LOC128462377: variants seen among roughly 807,000 people sequenced by gnomAD.
At chr16:89,397,743 T>C in the LOC128462377 span, among the ~76,000 whole-genome samples, 1 of 152,218 alleles carries the variant, frequency 6.6e-6, no homozygotes, top group Non-Finnish European at 1.5e-5. Context: ...TGCAGAAGCC[T>C]CTCCTCTGAG....
At chr16:89,386,164 T>C in the LOC128462377 span, among the ~76,000 whole-genome samples, 3 of 152,218 alleles carry the variant, frequency 2.0e-5, no homozygotes, top group Admixed American at 6.5e-5. Flanking sequence ...CGGCTTCCAA[T>C]GAACAATTCA....
At chr16:89,396,991 G>C in the LOC128462377 span, among the ~76,000 whole-genome samples, 1 of 151,998 alleles carries the variant, frequency 6.6e-6, no homozygotes, top group African/African-American at 2.4e-5. Flanking sequence ...GACTTGACCA[G>C]ATCACTAATT....
At chr16:89,357,651 C>T in the LOC128462377 span, among the ~76,000 whole-genome samples, 1 of 152,198 alleles carries the variant, frequency 6.6e-6, no homozygotes, top group African/African-American at 2.4e-5. Flanking sequence ...CAGAATGCGT[C>T]TGCACACAGC....
the LOC128462377 span, among the ~76,000 whole-genome samples, chr16:89,340,174 G>A: frequency 7.9e-4 from 121 of 152,346 alleles, no homozygotes; most frequent in African/African-American, 2.8e-3. Context: ...GCAAGAAACT[G>A]TAAAATGCTT....
the LOC128462377 span, among the ~76,000 whole-genome samples, chr16:89,347,607 T>TAAAA: frequency 8.5e-3 from 1,084 of 127,306 alleles, 19 homozygotes; most frequent in African/African-American, 0.031. Flanking sequence ...CGAGACTCCG[T>TAAAA]AAAAAAAAAA....
chr16:89,357,966 T>C, the LOC128462377 span, among the ~76,000 whole-genome samples: 93 of 152,248 alleles, frequency 6.1e-4, no homozygotes, highest in Non-Finnish European at 1.6e-4. Flanking sequence ...CAGATTTAGT[T>C]ATGATGCTCA....
the LOC128462377 span, among the ~76,000 whole-genome samples, chr16:89,328,270 T>G: frequency 6.6e-6 from 1 of 152,212 alleles, no homozygotes; most frequent in Non-Finnish European, 1.5e-5. Context: ...GTGTTGCTGC[T>G]CTGGAGAACA....
At chr16:89,341,617 C>G in the LOC128462377 span, among the ~76,000 whole-genome samples, 3 of 152,248 alleles carry the variant, frequency 2.0e-5, no homozygotes, top group African/African-American at 7.2e-5. Flanking sequence ...CCCACCCCAT[C>G]CAGCCCATAA....
the LOC128462377 span, among the ~76,000 whole-genome samples, chr16:89,372,668 G>C: frequency 1.3e-5 from 2 of 152,132 alleles, no homozygotes; most frequent in African/African-American, 4.8e-5. Flanking sequence ...ACATGAACAA[G>C]TGCAAGGAGG....
At chr16:89,389,797 G>A in the LOC128462377 span, among the ~76,000 whole-genome samples, 1 of 145,614 alleles carries the variant, frequency 6.9e-6, no homozygotes, top group Non-Finnish European at 1.5e-5. Context: ...CGAGTGTGGC[G>A]GGGAGCACCG....
chr16:89,402,058 C>G, the LOC128462377 span, among the ~76,000 whole-genome samples: 1 of 151,926 alleles, frequency 6.6e-6, no homozygotes, highest in Admixed American at 6.6e-5. Flanking sequence ...TTTATCACGG[C>G]AGCCCCGAAA....
chr16:89,368,179 T>C, the LOC128462377 span, among the ~76,000 whole-genome samples: 4,433 of 151,898 alleles, frequency 0.029, 148 homozygotes, highest in African/African-American at 0.075. Context: ...ACATACTCTG[T>C]CCACTCTTAA....
At chr16:89,323,206 C>T in the LOC128462377 span, 1 of 858,474 alleles carries the variant, frequency 1.2e-6, no homozygotes, top group Non-Finnish European at 1.7e-6. Flanking sequence ...GAGAAGTCTC[C>T]AACGGACTGA....
At chr16:89,317,317 T>C in the LOC128462377 span, among the ~76,000 whole-genome samples, 102,968 of 152,036 alleles carry the variant, frequency 0.68, 34,869 homozygotes, top group Middle Eastern at 0.78. Context: ...TCAAGCACTT[T>C]GTAGTGGCAG....
chr16:89,366,902 G>A, the LOC128462377 span, among the ~76,000 whole-genome samples: 5 of 152,202 alleles, frequency 3.3e-5, no homozygotes, highest in Non-Finnish European at 7.3e-5. Context: ...TGCTGTGAAC[G>A]ACCCTTTAAG....
At chr16:89,367,566 C>A in the LOC128462377 span, among the ~76,000 whole-genome samples, 12 of 152,362 alleles carry the variant, frequency 7.9e-5, no homozygotes, top group African/African-American at 2.9e-4. Context: ...CCCCTCTACC[C>A]TGTTCCTGAC....
At chr16:89,411,376 G>A in the LOC128462377 span, among the ~76,000 whole-genome samples, 2 of 152,242 alleles carry the variant, frequency 1.3e-5, no homozygotes, top group African/African-American at 4.8e-5. Context: ...GCCCTGGCTG[G>A]GCCAGACGCT....
At chr16:89,368,758 T>TA in the LOC128462377 span, among the ~76,000 whole-genome samples, 86 of 151,922 alleles carry the variant, frequency 5.7e-4, no homozygotes, top group Non-Finnish European at 9.3e-4. Flanking sequence ...ATACAAAAAT[T>TA]AGTCAGGTGT....
chr16:89,319,614 C>A, the LOC128462377 span, among the ~76,000 whole-genome samples: 1 of 152,194 alleles, frequency 6.6e-6, no homozygotes, highest in Non-Finnish European at 1.5e-5. Context: ...GCCCTGCAAC[C>A]CCAGCCCCCG....
Sources: allele counts gnomAD v4.1 joint callset (sites outside exome capture counted in the v4.1 genomes callset), GRCh38; gene constraint gnomAD v4.1.1; transcripts MANE v1.5.